ALDH5A1: variants seen among roughly 807,000 people sequenced by gnomAD.
ALDH5A1 encodes succinate-semialdehyde dehydrogenase, mitochondrial.
In ALDH5A1, 33 loss-of-function variants were observed where a neutral mutation model predicts 54.7. That is an observed-to-expected ratio of 0.60 (90% confidence interval 0.46 to 0.81). The LOEUF is 0.81. Among genes scored for constraint, ALDH5A1 ranks in the 30% least tolerant of loss-of-function variants. The pLI, the probability that ALDH5A1 is intolerant of heterozygous loss-of-function variation, is 0.00. For missense variants in ALDH5A1, 657 were observed against 711.0 expected, an observed-to-expected ratio of 0.92 and a Z score of 0.86; for synonymous variants, 294 against 292.7, an observed-to-expected ratio of 1.00 and a Z score of -0.05.
At chr6:24,527,045 A>G (rs985605506) in intron 7 of ALDH5A1, among the ~76,000 whole-genome samples, 4 of 146,082 alleles carry the variant, frequency 2.7e-5, no homozygotes, top group Middle Eastern at 3.6e-3. Flanking sequence ...AGCATAGAAG[A>G]TCCTAGGAGA....
intron 4 of ALDH5A1, chr6:24,511,755 C>G: frequency 5.3e-6 from 2 of 373,904 alleles, no homozygotes; most frequent in African/African-American, 2.3e-5. Flanking sequence ...TTTGTGACTT[C>G]CTTAAATTGG....
chr6:24,501,343 T>C (rs943094871), intron 1 of ALDH5A1, among the ~76,000 whole-genome samples: 1 of 152,206 alleles, frequency 6.6e-6, no homozygotes, highest in Admixed American at 6.5e-5. Context: ...ACTAGTCCTC[T>C]AGAAATAGGT....
intron 1 of ALDH5A1, among the ~76,000 whole-genome samples, chr6:24,501,042 GA>G (rs1458042714): frequency 1.1e-4 from 17 of 152,224 alleles, no homozygotes; most frequent in African/African-American, 3.6e-4. Context: ...CACTAAGGCA[GA>G]GCTAGTAATG....
At chr6:24,520,962 G>C (rs1206832103) in intron 6 of ALDH5A1, among the ~76,000 whole-genome samples, 1 of 151,984 alleles carries the variant, frequency 6.6e-6, no homozygotes, top group Non-Finnish European at 1.5e-5. Context: ...TTTTTCTACT[G>C]AACGGATATA....
chr6:24,496,542 G>A (rs568936291), intron 1 of ALDH5A1, among the ~76,000 whole-genome samples: 1 of 152,278 alleles, frequency 6.6e-6, no homozygotes, highest in East Asian at 1.9e-4. Flanking sequence ...ATCCCAGATC[G>A]AGGTGTTGTC....
rs1465032994 is a variant in ALDH5A1 at position 24,535,429 on chromosome 6, G to A, written c.*1717G>A. 6.6e-6 allele frequency: 1 copy of A among 152,198 alleles called. No homozygotes were observed. Among genetic ancestry groups the A allele is most frequent in the Non-Finnish European group, 1.5e-5 (1 of 68,036 alleles). 9.4% of individuals were successfully genotyped at this position (152,198 alleles called of 1,614,324 possible). On this transcript the variant is annotated 3_prime_UTR_variant, in exon 10 of 10. Transcript: ENST00000357578. ...CATACTCAGCATTTTGACAGTTAAT[G>A]TCTTCTCTTTATTTGTGTAGTTTTT...
Position 24,522,799 on chromosome 6 carries a change from A to G in ALDH5A1, c.1047A>G (p.Gln349=). The part of the protein sequence containing the change: ...TCVCSNQFLV[Q]RGIHDAFVKA... ...TTTGCTCAAACCAATTCTTGGTGCA[A>G]AGGGGCATCCATGATGCCTTTGTAA... The change falls in exon 7 of 10, where the codon CAA becomes CAG. Residue 349 remains glutamine (Q), a synonymous_variant. Transcript: ENST00000357578. 1 of 1,614,078 alleles carries G rather than the reference A, an allele frequency of 6.2e-7. No homozygotes were observed. Among genetic ancestry groups the G allele is most frequent in the Non-Finnish European group, 8.5e-7 (1 of 1,179,994 alleles).
In ALDH5A1 at chr6:24,526,962, A is replaced by G. The variant is rs1450419391; in HGVS notation, c.1174-1035A>G. On this transcript the variant is annotated intron_variant, in intron 7 of 9. Transcript: ENST00000357578. Reference sequence around the variant, plus strand: ...TTCTATATATATATCTAATATATATATATGTGTGTGTGTATATATATATAT... The same window carrying G: ...TTCTATATATATATCTAATATATATGTATGTGTGTGTGTATATATATATAT... Among the ~76,000 whole-genome samples the G allele has an allele frequency of 5.7e-3, 62 of 10,912 alleles. 1 individual carries two copies. Among genetic ancestry groups the G allele is most frequent in the African/African-American group, 0.011 (53 of 4,966 alleles). The allele number at this position is 10,912 out of a possible 152,430, so 7.2% of individuals were successfully genotyped here.
chr6:24,520,472 A>C lies in ALDH5A1; in HGVS notation c.942A>C (p.Ile314=), dbSNP rs777637796. 6.2e-7 allele frequency: 1 copy of C among 1,614,198 alleles called. No individual in the cohort carries two copies. The highest frequency in any genetic ancestry group is 8.5e-7 in the Non-Finnish European group (1 of 1,180,052). ...SMELGGLAPF[I]VFDSANVDQA... is the part of the protein sequence containing the mutation. ...AGCTGGGCGGCCTTGCTCCATTTAT[A>C]GTATTTGACAGTGCCAACGTGGACC... Residue 314 remains isoleucine, a synonymous_variant, in exon 6 of 10, where the codon ATA becomes ATC. Transcript: ENST00000357578.
intron 8 of ALDH5A1, among the ~76,000 whole-genome samples, chr6:24,531,387 C>T (rs545909815): frequency 6.6e-6 from 1 of 152,320 alleles, no homozygotes; most frequent in East Asian, 1.9e-4. Context: ...TAGCTCTAGA[C>T]TTTGCTACTT....
intron 7 of ALDH5A1, among the ~76,000 whole-genome samples, chr6:24,523,563 AT>A (rs1341576757): frequency 6.6e-6 from 1 of 152,158 alleles, no homozygotes; most frequent in Non-Finnish European, 1.5e-5. Context: ...TCCTCCCTAA[AT>A]TTTGTTATAG....
chr6:24,517,296 G>A (rs933475131), intron 5 of ALDH5A1, among the ~76,000 whole-genome samples: 6 of 152,132 alleles, frequency 3.9e-5, no homozygotes, highest in African/African-American at 9.7e-5. Context: ...GTGAGCCAGC[G>A]TGCCCAGCTG....
chr6:24,505,138 T>C (rs1447978511), intron 4 of ALDH5A1, among the ~76,000 whole-genome samples, 153 bp downstream of exon 4: 1 of 152,222 alleles, frequency 6.6e-6, no homozygotes, highest in Non-Finnish European at 1.5e-5. Context: ...TTACTTTAAG[T>C]CAGCTGTAGC....
intron 5 of ALDH5A1, among the ~76,000 whole-genome samples, chr6:24,516,180 T>C (rs1357391916): frequency 2.0e-5 from 3 of 152,116 alleles, no homozygotes; most frequent in Non-Finnish European, 4.4e-5. Flanking sequence ...CTCACACCTG[T>C]AATCCCAACA....
intron 4 of ALDH5A1, among the ~76,000 whole-genome samples, chr6:24,506,814 C>G (rs1759368201): frequency 6.9e-6 from 1 of 145,010 alleles, no homozygotes; most frequent in East Asian, 2.0e-4. Context: ...ACCCCACATT[C>G]AATTTCTCCT....
intron 7 of ALDH5A1, among the ~76,000 whole-genome samples, chr6:24,523,300 C>G (rs1581820407): frequency 7.4e-6 from 1 of 135,756 alleles, no homozygotes; most frequent in East Asian, 2.2e-4. Flanking sequence ...ACAAAAACCA[C>G]AAAGGTTAAA....
intron 4 of ALDH5A1, chr6:24,511,873 G>C: frequency 3.4e-6 from 2 of 596,428 alleles, no homozygotes; most frequent in South Asian, 4.6e-5. Flanking sequence ...TTGTTGGTGA[G>C]CTCATGTGAT....
intron 4 of ALDH5A1, among the ~76,000 whole-genome samples, chr6:24,505,996 G>A (rs1227815651): frequency 1.3e-5 from 2 of 151,456 alleles, no homozygotes; most frequent in African/African-American, 4.8e-5. Context: ...CTCACACTCT[G>A]ATCCTCCTGA....
chr6:24,521,825 C>A (rs909011010), intron 6 of ALDH5A1, among the ~76,000 whole-genome samples: 2 of 149,822 alleles, frequency 1.3e-5, no homozygotes, highest in African/African-American at 4.9e-5. Context: ...TGGAGACCAG[C>A]CTGGGCAACA....
Sources: gnomAD v4.1 joint callset for allele counts (sites outside exome capture counted in the v4.1 genomes callset) on GRCh38, gnomAD v4.1.1 for gene constraint, MANE v1.5 for transcripts, NCBI Gene and HGNC (gene_info 2026-07-23, HGNC 2026-07-21) for gene names.